TTC17: variants seen among roughly 807,000 people sequenced by gnomAD.
TTC17 encodes tetratricopeptide repeat domain 17.
TTC17 carries 58 observed loss-of-function variants against 143.8 expected under a neutral mutation model. The observed-to-expected ratio is 0.40, with a 90% confidence interval of 0.33 to 0.50. The LOEUF is 0.50. TTC17 is among the 20% of genes least tolerant of loss of function. TTC17 has a pLI of 0.49. For synonymous variants in TTC17, 501 were observed against 497.8 expected (o/e 1.01, Z -0.09); for missense variants, 1,273 against 1,392.5 (o/e 0.91, Z 1.37).
chr11:43,395,101 T>A (rs946663941), intron 5 of TTC17, among the ~76,000 whole-genome samples: 1 of 145,310 alleles, frequency 6.9e-6, no homozygotes, highest in South Asian at 2.2e-4. Flanking sequence ...ATGTAGAACT[T>A]TTTTTTTTTT....
chr11:43,372,962 G>A (rs1265981201), intron 1 of TTC17, among the ~76,000 whole-genome samples: 2 of 151,954 alleles, frequency 1.3e-5, no homozygotes, highest in African/African-American at 2.4e-5. Flanking sequence ...GAGAGAGGAA[G>A]GAAATAATAT....
In TTC17 at chr11:43,400,058, G is replaced by T; in HGVS notation, c.1219+10G>T. 1 of 1,608,592 alleles carries T rather than the reference G, an allele frequency of 6.2e-7. No homozygotes were observed. Among genetic ancestry groups the T allele is most frequent in the Non-Finnish European group, 8.5e-7 (1 of 1,177,976 alleles). On this transcript the variant is annotated intron_variant, in intron 9 of 23. Coordinates refer to ENST00000039989, the MANE Select transcript of TTC17 (RefSeq NM_018259.6). ...AAAGAGGCACAATTAGGTAAGTAGTGACTCCAAGTAATTGAAGACAGGTTA... is the reference window on the plus strand; with the variant it reads ...AAAGAGGCACAATTAGGTAAGTAGTTACTCCAAGTAATTGAAGACAGGTTA...
At chr11:43,467,003 A>G (rs1590471282) in intron 21 of TTC17, 1 of 153,290 alleles carries the variant, frequency 6.5e-6, no homozygotes, top group African/African-American at 2.4e-5. Flanking sequence ...TTTGAGTTCT[A>G]TATTTTCATT....
intron 21 of TTC17, among the ~76,000 whole-genome samples, chr11:43,461,239 C>G (rs900031605): frequency 2.6e-5 from 4 of 151,864 alleles, no homozygotes; most frequent in African/African-American, 7.3e-5. Context: ...AAAAAATTAG[C>G]CGGGCGCAGT....
At position 43,359,012 on chromosome 11, in the gene TTC17, G is replaced by A; in HGVS notation, c.58G>A (p.Gly20Ser). 6.3e-7 allele frequency: 1 copy of A among 1,590,212 alleles called. No individual in the cohort carries two copies. The highest frequency in any genetic ancestry group is 8.6e-7 in the Non-Finnish European group (1 of 1,169,266). ...RYELPPCSGP[G>S]WLLSLSALLS... ...CGAGCTGCCGCCTTGCTCCGGCCCA[G>A]GCTGGCTCCTCAGCCTTTCCGCCTT... Residue 20 changes from glycine to serine, a missense_variant, in exon 1 of 24, where the codon GGC becomes AGC. By Grantham distance (56) the Gly-to-Ser change is moderately conservative (BLOSUM62 0). Coordinates refer to ENST00000039989, the MANE Select transcript of TTC17 (RefSeq NM_018259.6).
In TTC17 at chr11:43,362,149, TTGTGTGTGTGTGTGTGTG is replaced by T. The variant is rs3978779; in HGVS notation, c.159+3064_159+3081del. ...GCATGCACTACCACACCCGGCTAAT[TTGTGTGTGTGTGTGTGTG>T]TGTGTGTGTGTGTGTGTGTGTGTGT... On this transcript the variant is annotated intron_variant, in intron 1 of 23. Coordinates refer to ENST00000039989, the MANE Select transcript of TTC17 (RefSeq NM_018259.6). Among the ~76,000 whole-genome samples, 569 of 138,136 alleles carry T rather than the reference TTGTGTGTGTGTGTGTGTG, an allele frequency of 4.1e-3. 6 individuals carry two copies. Among genetic ancestry groups the T allele is most frequent in the African/African-American group, 0.011 (384 of 35,920 alleles). The allele number at this position is 138,136 out of a possible 152,430, so 90.6% of individuals were successfully genotyped here. A position where few individuals can be genotyped will look rare whatever the true frequency, so the allele number is the denominator to read the frequency against.
At position 43,401,402 on chromosome 11, in the gene TTC17, G is replaced by A. The variant is rs778585822; in HGVS notation, c.1220-44G>A. 3.6e-6 allele frequency: 5 copies of A among 1,374,882 alleles called. No homozygotes were observed. In the Admixed American group the frequency reaches 9.3e-5, roughly 26 times the overall value. 85.2% of individuals were successfully genotyped at this position (1,374,882 alleles called of 1,614,324 possible). On this transcript the variant is annotated intron_variant, in intron 9 of 23. Transcript: ENST00000039989. ...AGTCTAAGAAAATCACATTGGCATT[G>A]TTGACCTTGCTCATCATTTGTGTAA...
At chr11:43,370,204 G>A (rs1447746126) in intron 1 of TTC17, 1 of 397,180 alleles carries the variant, frequency 2.5e-6, no homozygotes, top group Admixed American at 3.1e-5. Context: ...GAATCCTGAA[G>A]AGATAATTCC....
chr11:43,378,811 T>C, intron 1 of TTC17: 1 of 162,264 alleles, frequency 6.2e-6, no homozygotes. Flanking sequence ...TACAAATAGC[T>C]TTCAAAAAGA....
chr11:43,481,146 T>A lies in TTC17; in HGVS notation c.3031-9093T>A, dbSNP rs150092481. On this transcript the variant is annotated intron_variant, in intron 21 of 23. Transcript: ENST00000039989. ...AGTAGAGAGAATGACTACATAATGA[T>A]AAAATGTTTCATTCACCAGAAAGAT... is the stretch of plus-strand genomic sequence containing the variant. Among the ~76,000 whole-genome samples the A allele has an allele frequency of 1.2e-4, 18 of 152,296 alleles. No homozygotes were observed. The East Asian group carries it at 2.7e-3, about 23-fold the overall frequency.
intron 21 of TTC17, among the ~76,000 whole-genome samples, chr11:43,472,925 A>T (rs1948118327): frequency 6.6e-6 from 1 of 152,028 alleles, no homozygotes; most frequent in African/African-American, 2.4e-5. Flanking sequence ...TTGTAATCCC[A>T]GCACTTTGGG....
At chr11:43,373,447 C>A (rs542920599) in intron 1 of TTC17, among the ~76,000 whole-genome samples, 4 of 152,046 alleles carry the variant, frequency 2.6e-5, no homozygotes, top group African/African-American at 7.2e-5. Context: ...CCTCAGCCTC[C>A]CCAGTAGCTG....
chr11:43,414,205 GT>G (rs1455195775), intron 15 of TTC17, among the ~76,000 whole-genome samples: 3 of 152,142 alleles, frequency 2.0e-5, no homozygotes, highest in African/African-American at 7.2e-5. Flanking sequence ...AGAACATGCA[GT>G]TTGATTTCAT....
intron 23 of TTC17, 145 bp from the exon 24 acceptor site, chr11:43,493,628 A>C: frequency 8.0e-7 from 1 of 1,242,632 alleles, no homozygotes; most frequent in South Asian, 1.4e-5. Context: ...GGAACCTCAG[A>C]GTTTTCCACA....
At chr11:43,452,755 C>T (rs544463275) in intron 21 of TTC17, among the ~76,000 whole-genome samples, 2 of 151,696 alleles carry the variant, frequency 1.3e-5, no homozygotes, top group South Asian at 2.1e-4. Flanking sequence ...GGCAACATAG[C>T]GAGACCCTAT....
chr11:43,477,441 C>T (rs754618513), intron 21 of TTC17, among the ~76,000 whole-genome samples: 1 of 152,134 alleles, frequency 6.6e-6, no homozygotes, highest in Non-Finnish European at 1.5e-5. Context: ...TACCCAAAAC[C>T]AGGAACAAAA....
chr11:43,451,121 A>G lies in TTC17; in HGVS notation c.2947-61A>G, dbSNP rs572084727. ...GTACAGTGCCCAACTCAGCATTAGC[A>G]GTATCATCTAGATCCTGCATCGTTT... On this transcript the variant is annotated intron_variant, in intron 20 of 23. Coordinates refer to ENST00000039989, the MANE Select transcript of TTC17 (RefSeq NM_018259.6). 4.6e-6 allele frequency: 7 copies of G among 1,511,644 alleles called. No homozygotes were observed. The South Asian group carries it at 8.0e-5, about 17-fold the overall frequency. The allele number at this position is 1,511,644 out of a possible 1,614,324, so 93.6% of individuals were successfully genotyped here. A position where few individuals can be genotyped will look rare whatever the true frequency, so the allele number is the denominator to read the frequency against.
intron 1 of TTC17, among the ~76,000 whole-genome samples, chr11:43,361,473 C>A (rs969012712): frequency 6.6e-6 from 1 of 152,288 alleles, no homozygotes; most frequent in South Asian, 2.1e-4. Flanking sequence ...CTTAAACGTG[C>A]TCACAATACT....
At chr11:43,434,319 C>T (rs947516186) in intron 16 of TTC17, among the ~76,000 whole-genome samples, 6 of 152,140 alleles carry the variant, frequency 3.9e-5, no homozygotes, top group African/African-American at 1.4e-4. Flanking sequence ...CTTTTCACTG[C>T]TCCCAAACAC....
Sources: gnomAD v4.1 joint callset for allele counts (sites outside exome capture counted in the v4.1 genomes callset) on GRCh38, gnomAD v4.1.1 for gene constraint, MANE v1.5 for transcripts, NCBI Gene and HGNC (gene_info 2026-07-23, HGNC 2026-07-21) for gene names.